The following REC114 variants were observed in gnomAD, a reference collection of about 807,000 sequenced individuals.
REC114 encodes the protein meiotic recombination protein REC114.
REC114 carries 27 observed loss-of-function variants against 31.3 expected under a neutral mutation model. That is an observed-to-expected ratio of 0.86 (90% confidence interval 0.64 to 1.19). The LOEUF is 1.19. Among genes scored for constraint, REC114 ranks in the 50% most tolerant of loss-of-function variants. The probability of loss-of-function intolerance (pLI) is 0.00; values close to 1 mark genes in which losing one functional copy is unlikely to be tolerated. For missense variants in REC114, 344 were observed against 326.9 expected, an observed-to-expected ratio of 1.05 and a Z score of -0.40; for synonymous variants, 134 against 127.7, an observed-to-expected ratio of 1.05 and a Z score of -0.33.
intron 1 of REC114, among the ~76,000 whole-genome samples, chr15:73,457,747 G>A (rs1425814447): frequency 3.9e-5 from 6 of 152,140 alleles, no homozygotes; most frequent in African/African-American, 1.4e-4. Context: ...GTTAATTCCC[G>A]TTGGCCAGAA....
At position 73,449,567 on chromosome 15, in the gene REC114, ACT is replaced by A. The variant is rs1384367587; in HGVS notation, c.159+6226_159+6227del. 3.3e-5 allele frequency among the ~76,000 whole-genome samples: 5 copies of A among 152,280 alleles called. No homozygotes were observed. The East Asian group carries it at 9.6e-4, about 29-fold the overall frequency. ...GGAGAATGGAACCAAGTTGGAAAAC[ACT>A]CTTCAGGATATTATCCAGGAGAACT... On this transcript the variant is annotated intron_variant, in intron 1 of 5. Coordinates refer to ENST00000331090, the MANE Select transcript of REC114 (RefSeq NM_001042367.2).
chr15:73,444,494 T>C (rs1892740886), intron 1 of REC114, among the ~76,000 whole-genome samples: 1 of 152,226 alleles, frequency 6.6e-6, no homozygotes, highest in South Asian at 2.1e-4. Flanking sequence ...AAGCAACTCG[T>C]CATCTCTTCA....
At chr15:73,540,012 C>T (rs1401074484) in intron 2 of REC114, among the ~76,000 whole-genome samples, 2 of 151,890 alleles carry the variant, frequency 1.3e-5, no homozygotes, top group African/African-American at 4.8e-5. Flanking sequence ...CATTCAGTAT[C>T]CAAAAGAAAA....
chr15:73,454,142 T>A (rs1320347213), intron 1 of REC114, among the ~76,000 whole-genome samples: 1 of 151,566 alleles, frequency 6.6e-6, no homozygotes, highest in Non-Finnish European at 1.5e-5. Context: ...CAAAAATAAA[T>A]TAAATAAATA....
chr15:73,529,533 T>C (rs1386703933), intron 2 of REC114, among the ~76,000 whole-genome samples: 1 of 152,154 alleles, frequency 6.6e-6, no homozygotes, highest in African/African-American at 2.4e-5. Flanking sequence ...TGAGTGTGGA[T>C]GTAAGTAAAA....
chr15:73,449,323 AAC>A (rs1892812746), intron 1 of REC114, among the ~76,000 whole-genome samples: 2 of 152,196 alleles, frequency 1.3e-5, no homozygotes, highest in South Asian at 4.1e-4. Flanking sequence ...GGAGCTGAAA[AAC>A]ACAGCACGAG....
At chr15:73,497,709 A>T (rs2141306324) in intron 2 of REC114, among the ~76,000 whole-genome samples, 1 of 152,340 alleles carries the variant, frequency 6.6e-6, no homozygotes, top group Admixed American at 6.5e-5. Context: ...GCTAAATGCC[A>T]CAATAGGTAT....
chr15:73,553,792 G>A (rs1010957989), intron 4 of REC114, among the ~76,000 whole-genome samples: 5 of 152,098 alleles, frequency 3.3e-5, no homozygotes, highest in African/African-American at 1.2e-4. Flanking sequence ...TGCCTTTCTT[G>A]ATTCTATTTT....
chr15:73,465,156 T>C (rs1893040467), intron 1 of REC114, among the ~76,000 whole-genome samples: 1 of 152,210 alleles, frequency 6.6e-6, no homozygotes, highest in Non-Finnish European at 1.5e-5. Context: ...CCTCCCAAAG[T>C]GCTGGGCTTA....
chr15:73,486,721 C>T (rs1246470075), intron 2 of REC114, among the ~76,000 whole-genome samples: 1 of 152,116 alleles, frequency 6.6e-6, no homozygotes, highest in African/African-American at 2.4e-5. Flanking sequence ...GGTATCCTTA[C>T]ATACAGAAGA....
intron 1 of REC114, among the ~76,000 whole-genome samples, chr15:73,445,024 A>G (rs936683482): frequency 6.6e-6 from 1 of 152,232 alleles, no homozygotes; most frequent in Admixed American, 6.5e-5. Flanking sequence ...CAGTGGGCTT[A>G]AAATATTCAG....
intron 2 of REC114, among the ~76,000 whole-genome samples, chr15:73,479,615 A>G (rs893351278): frequency 6.6e-6 from 1 of 151,992 alleles, no homozygotes; most frequent in East Asian, 1.9e-4. Context: ...CCTAGTAACC[A>G]CTATTCTATT....
chr15:73,556,403 TTC>T lies in REC114; in HGVS notation c.636+14_636+15del. 1 of 1,606,780 alleles carries T rather than the reference TTC, an allele frequency of 6.2e-7. No homozygotes were observed. The highest frequency in any genetic ancestry group is 8.5e-7 in the Non-Finnish European group (1 of 1,176,342). On this transcript the variant is annotated intron_variant, in intron 5 of 5. Transcript: ENST00000331090. ...CGCAGTTAGCTCAGGTAGAGCTTAT[TTC>T]TGTGTTCAATTTTCTTGTCATGAGA...
chr15:73,522,436 C>T (rs1195653185), intron 2 of REC114, among the ~76,000 whole-genome samples: 1 of 152,164 alleles, frequency 6.6e-6, no homozygotes, highest in Admixed American at 6.5e-5. Context: ...TTGTATTACC[C>T]TTAAAAGGGT....
intron 2 of REC114, among the ~76,000 whole-genome samples, chr15:73,494,612 T>A (rs1241535196): frequency 1.3e-5 from 2 of 152,204 alleles, no homozygotes; most frequent in African/African-American, 4.8e-5. Flanking sequence ...TTTCTCACCA[T>A]AGGATAACAG....
chr15:73,463,780 C>T (rs1462681907), intron 1 of REC114, among the ~76,000 whole-genome samples: 2 of 151,804 alleles, frequency 1.3e-5, no homozygotes, highest in Non-Finnish European at 2.9e-5. Flanking sequence ...AAGATCGTGC[C>T]ACTGCACTCC....
At chr15:73,454,934 A>C (rs1020541567) in intron 1 of REC114, among the ~76,000 whole-genome samples, 1 of 152,184 alleles carries the variant, frequency 6.6e-6, no homozygotes, top group Non-Finnish European at 1.5e-5. Context: ...GCTCTTCATA[A>C]TTGCTTATAA....
At chr15:73,459,716 C>A (rs1350710371) in intron 1 of REC114, among the ~76,000 whole-genome samples, 1 of 152,156 alleles carries the variant, frequency 6.6e-6, no homozygotes, top group Non-Finnish European at 1.5e-5. Context: ...GTGAGCAGAA[C>A]CAACTGTCAT....
Position 73,555,128 on chromosome 15 carries a change from AC to A in REC114, c.547-1172del, listed in dbSNP as rs547550462. 3.5e-3 allele frequency among the ~76,000 whole-genome samples: 532 copies of A among 152,078 alleles called. 1 individual carries two copies. Among genetic ancestry groups the A allele is most frequent in the Non-Finnish European group, 6.4e-3 (437 of 67,998 alleles). ...ATGCTTCCAGGTCTGGTTTCCTGCT[AC>A]CTACTGACTAGCAACCATCAGATTC... On this transcript the variant is annotated intron_variant, in intron 4 of 5. Transcript: ENST00000331090.
Sources: allele counts gnomAD v4.1 joint callset (sites outside exome capture counted in the v4.1 genomes callset), GRCh38; gene constraint gnomAD v4.1.1; transcripts MANE v1.5; gene names NCBI Gene and HGNC (gene_info 2026-07-23, HGNC 2026-07-21).